PTPRD: variants seen among roughly 807,000 people sequenced by gnomAD.
The protein encoded by PTPRD is protein tyrosine phosphatase receptor type D.
Under a neutral mutation model 214.5 loss-of-function variants are expected in PTPRD, and 34 were observed. That is an observed-to-expected ratio of 0.16 (90% CI 0.12 to 0.21). PTPRD has a LOEUF of 0.21. Among genes scored for constraint, PTPRD ranks in the 10% least tolerant of loss-of-function variants. PTPRD has a pLI of 1.00. For missense variants in PTPRD, 2,545 were observed against 2,398.7 expected, an observed-to-expected ratio of 1.06 and a Z score of -1.27; for synonymous variants, 1,128 against 845.7, an observed-to-expected ratio of 1.33 and a Z score of -5.79.
rs1200247931 is a variant in PTPRD at position 8,319,841 on chromosome 9, A to T, written c.5660T>A (p.Val1887Glu). 8.7e-6 allele frequency: 14 copies of T among 1,612,826 alleles called. No individual in the cohort carries two copies. The highest frequency in any genetic ancestry group is 5.0e-5 in the Admixed American group (3 of 59,844). ...AATGGATTTTCTCACCTCTGTCTGT[A>T]CCATAGCTGGTCGTTGTGTTCTTAA... is the stretch of plus-strand genomic sequence containing the variant. ...KMLRTQRPAM[V>E]QTEDQYQFSY... The change falls in exon 45 of 46, where the codon GTA (valine) becomes GAA (glutamate). Residue 1887 changes from valine (V) to glutamate (E), a missense_variant. Transcript: ENST00000381196.
At chr9:8,619,838 T>C (rs1049688126) in intron 14 of PTPRD, among the ~76,000 whole-genome samples, 4 of 152,044 alleles carry the variant, frequency 2.6e-5, no homozygotes, top group Admixed American at 2.0e-4. Context: ...CTATGTCACA[T>C]TACACTCGAT....
chr9:8,398,261 T>G (rs2091657668), intron 36 of PTPRD, among the ~76,000 whole-genome samples: 1 of 152,104 alleles, frequency 6.6e-6, no homozygotes, highest in Non-Finnish European at 1.5e-5. Context: ...TCCTAGTAAT[T>G]GTAGGAAGTA....
At chr9:9,340,101 C>G (rs531176125) in intron 9 of PTPRD, among the ~76,000 whole-genome samples, 2 of 152,028 alleles carry the variant, frequency 1.3e-5, no homozygotes, top group Admixed American at 1.3e-4. Flanking sequence ...TGAAAAATAA[C>G]AGATTTAATT....
intron 9 of PTPRD, among the ~76,000 whole-genome samples, chr9:9,323,245 A>T (rs1967557886): frequency 6.6e-6 from 1 of 151,794 alleles, no homozygotes; most frequent in Non-Finnish European, 1.5e-5. Flanking sequence ...TTTTATTTTA[A>T]AAAAGACAAA....
At chr9:10,043,408 T>G (rs1764127533) in intron 3 of PTPRD, among the ~76,000 whole-genome samples, 1 of 151,864 alleles carries the variant, frequency 6.6e-6, no homozygotes, top group South Asian at 2.1e-4. Context: ...ATGTTTTATC[T>G]ATGGGGAGTA....
intron 11 of PTPRD, among the ~76,000 whole-genome samples, chr9:8,950,124 G>A (rs2099093521): frequency 6.6e-6 from 1 of 152,128 alleles, no homozygotes; most frequent in South Asian, 2.1e-4. Context: ...TGGCCAACAT[G>A]AAAATACTAA....
intron 25 of PTPRD, among the ~76,000 whole-genome samples, chr9:8,498,109 T>A (rs1340992590): frequency 6.6e-6 from 1 of 152,142 alleles, no homozygotes; most frequent in South Asian, 2.1e-4. Context: ...TTTACAGAAG[T>A]GGCCTCGGGG....
intron 14 of PTPRD, among the ~76,000 whole-genome samples, chr9:8,543,995 C>T (rs2079168227): frequency 6.6e-6 from 1 of 152,056 alleles, no homozygotes; most frequent in Non-Finnish European, 1.5e-5. Flanking sequence ...CAGGCATGAG[C>T]CACCATGCCT....
At chr9:9,370,041 G>A (rs1368568016) in intron 9 of PTPRD, among the ~76,000 whole-genome samples, 1 of 152,146 alleles carries the variant, frequency 6.6e-6, no homozygotes, top group Non-Finnish European at 1.5e-5. Flanking sequence ...AAGTCAGGTA[G>A]CGTGATGCCT....
chr9:9,814,631 TGAA>T (rs2048175102), intron 5 of PTPRD, among the ~76,000 whole-genome samples: 1 of 152,128 alleles, frequency 6.6e-6, no homozygotes, highest in African/African-American at 2.4e-5. Context: ...TGAAATAAAT[TGAA>T]GAAGACACAA....
At chr9:8,604,376 G>C (rs12340778) in intron 14 of PTPRD, among the ~76,000 whole-genome samples, 2 of 152,120 alleles carry the variant, frequency 1.3e-5, no homozygotes, top group Non-Finnish European at 2.9e-5. Context: ...ATGAATCACA[G>C]ATAGGGTGGG....
intron 11 of PTPRD, among the ~76,000 whole-genome samples, chr9:8,887,169 G>A (rs2098498011): frequency 6.6e-6 from 1 of 152,056 alleles, no homozygotes; most frequent in Non-Finnish European, 1.5e-5. Flanking sequence ...TTGAACCCAG[G>A]TTTGTCAGAC....
At position 9,162,326 on chromosome 9, in the gene PTPRD, C is replaced by T. The variant is rs533943153; in HGVS notation, c.-143+20978G>A. Among the ~76,000 whole-genome samples the T allele has an allele frequency of 3.3e-5, 5 of 152,240 alleles. No homozygotes were observed. In the East Asian group the frequency reaches 5.8e-4, roughly 18 times the overall value. ...TCCATTACCCAACTTAATTCCCATT[C>T]CTGACAGATACTATTTCACATCTTC... On this transcript the variant is annotated intron_variant, in intron 10 of 45. Transcript: ENST00000381196.
At chr9:9,819,191 T>C (rs575342171) in intron 5 of PTPRD, among the ~76,000 whole-genome samples, 1 of 152,298 alleles carries the variant, frequency 6.6e-6, no homozygotes, top group African/African-American at 2.4e-5. Context: ...CTGCCCCTCA[T>C]AACTTCTCTC....
At position 10,258,446 on chromosome 9, in the gene PTPRD, C is replaced by T. The variant is rs75241967; in HGVS notation, c.-545+82517G>A. ...AAGAGGCTATCTTGCCATAATATCT[C>T]GGAGTGCTGACTACTAATAATGTGT... On this transcript the variant is annotated intron_variant, in intron 3 of 45. Coordinates refer to ENST00000381196, the MANE Select transcript of PTPRD (RefSeq NM_002839.4). Among the ~76,000 whole-genome samples the T allele has an allele frequency of 3.1e-3, 467 of 152,114 alleles. 7 individuals are homozygous for T. The highest frequency in any genetic ancestry group is 0.016 in the East Asian group (82 of 5,170).
At chr9:10,383,633 T>G (rs1041451581) in intron 2 of PTPRD, among the ~76,000 whole-genome samples, 1 of 151,814 alleles carries the variant, frequency 6.6e-6, no homozygotes, top group Admixed American at 6.6e-5. Flanking sequence ...AAGCACAGTA[T>G]TACCAGAGTT....
intron 11 of PTPRD, among the ~76,000 whole-genome samples, chr9:8,892,701 A>G (rs377295416): frequency 5.3e-4 from 68 of 128,628 alleles, no homozygotes; most frequent in South Asian, 2.3e-3. Context: ...ATATATATAT[A>G]TGTGTGCGTA....
intron 4 of PTPRD, among the ~76,000 whole-genome samples, chr9:9,966,324 C>G (rs1031629957): frequency 1.3e-5 from 2 of 152,120 alleles, no homozygotes; most frequent in Non-Finnish European, 2.9e-5. Flanking sequence ...TTCAGACTTT[C>G]TAGGTTCATA....
At chr9:9,940,463 C>A (rs1259133650) in intron 4 of PTPRD, among the ~76,000 whole-genome samples, 4 of 152,122 alleles carry the variant, frequency 2.6e-5, no homozygotes, top group African/African-American at 9.7e-5. Flanking sequence ...AGCTAACACT[C>A]TTATGCATAC....
Sources: gnomAD v4.1 joint callset for allele counts (sites outside exome capture counted in the v4.1 genomes callset) on GRCh38, gnomAD v4.1.1 for gene constraint, MANE v1.5 for transcripts, NCBI Gene and HGNC (gene_info 2026-07-23, HGNC 2026-07-21) for gene names.